FMN1: variants seen among roughly 807,000 people sequenced by gnomAD.
The protein encoded by FMN1 is formin 1, also known as formin-1.
A neutral mutation model predicts 132.4 loss-of-function variants in FMN1; 110 were observed. That is an observed-to-expected ratio of 0.83 (90% confidence interval 0.71 to 0.97). FMN1 has a LOEUF of 0.97. FMN1 is among the 50% of genes least tolerant of loss of function. The pLI is 0.00. For synonymous variants in FMN1, 722 were observed against 651.7 expected, an observed-to-expected ratio of 1.11 and a Z score of -1.64; for missense variants, 1,792 against 1,705.3, an observed-to-expected ratio of 1.05 and a Z score of -0.90.
At chr15:32,829,271 G>A (rs2058444871) in intron 17 of FMN1, among the ~76,000 whole-genome samples, 1 of 152,214 alleles carries the variant, frequency 6.6e-6, no homozygotes, top group African/African-American at 2.4e-5. Flanking sequence ...ATGAGACCAA[G>A]CTATTATTCC....
chr15:32,931,842 G>T (rs1596300673), intron 9 of FMN1, among the ~76,000 whole-genome samples: 1 of 152,026 alleles, frequency 6.6e-6, no homozygotes, highest in Non-Finnish European at 1.5e-5. Flanking sequence ...TTTAGCATAT[G>T]GTCTTTATTT....
At chr15:33,126,668 A>G (rs1002675013) in intron 4 of FMN1, among the ~76,000 whole-genome samples, 1 of 87,172 alleles carries the variant, frequency 1.1e-5, no homozygotes, top group Non-Finnish European at 2.7e-5. Flanking sequence ...CATGCCCAGA[A>G]TGGGACCAAC....
Position 33,088,830 on chromosome 15 carries a change from G to C in FMN1, c.2012C>G (p.Ser671Ter), listed in dbSNP as rs966979513. The C allele has an allele frequency of 4.6e-6, 7 of 1,535,726 alleles. No individual in the cohort carries two copies. The highest frequency in any genetic ancestry group is 1.4e-5 in the African/African-American group (1 of 73,002). The change falls in exon 5 of 21, where the codon TCA (serine) becomes TGA (stop). Residue 671 changes from serine (S) to a stop codon, truncating the protein, a stop_gained. Transcript: ENST00000616417. LOFTEE classifies it high-confidence loss of function. ...PFLLHEEREK[S>*]NRSELYLDLH... ...ATCCAAGTACAATTCGCTCCTGTTT[G>C]ACTTCTCCCTTTCCTCATGAAGCAA... is the stretch of plus-strand genomic sequence containing the variant.
intron 8 of FMN1, among the ~76,000 whole-genome samples, chr15:32,967,462 C>G (rs2031350262): frequency 6.6e-6 from 1 of 152,166 alleles, no homozygotes; most frequent in African/African-American, 2.4e-5. Flanking sequence ...GGAAACATGA[C>G]TCAAAATAAA....
At chr15:33,156,680 C>T (rs1164195239) in intron 3 of FMN1, among the ~76,000 whole-genome samples, 1 of 151,946 alleles carries the variant, frequency 6.6e-6, no homozygotes, top group Non-Finnish European at 1.5e-5. Context: ...GGTAAAAACT[C>T]GCTGCATGTG....
chr15:33,140,496 GA>G (rs1437757081), intron 4 of FMN1, among the ~76,000 whole-genome samples: 3 of 152,188 alleles, frequency 2.0e-5, no homozygotes, highest in Non-Finnish European at 4.4e-5. Context: ...GTTGATTCAC[GA>G]CTCAGGTATC....
At chr15:33,110,108 T>C (rs927102555) in intron 4 of FMN1, among the ~76,000 whole-genome samples, 2 of 152,100 alleles carry the variant, frequency 1.3e-5, no homozygotes, top group African/African-American at 4.8e-5. Context: ...ATAATTGTCA[T>C]ACTTTTGACA....
At chr15:33,012,831 C>T in intron 6 of FMN1, 1 of 634,402 alleles carries the variant, frequency 1.6e-6, no homozygotes, top group South Asian at 1.4e-5. Flanking sequence ...GATATGGTAG[C>T]AGTGGGGGTG....
chr15:32,979,975 CT>C (rs1286586413), intron 7 of FMN1, among the ~76,000 whole-genome samples: 1 of 152,176 alleles, frequency 6.6e-6, no homozygotes, highest in African/African-American at 2.4e-5. Context: ...CTCCTTGCCA[CT>C]TTGAGTTTTA....
chr15:32,991,193 G>A (rs343933), intron 7 of FMN1, among the ~76,000 whole-genome samples: 6 of 151,946 alleles, frequency 3.9e-5, no homozygotes, highest in African/African-American at 7.2e-5. Flanking sequence ...ATTTTCTCTC[G>A]GTTTCAGAAG....
intron 17 of FMN1, among the ~76,000 whole-genome samples, chr15:32,815,103 C>T (rs989034101): frequency 6.6e-6 from 1 of 152,022 alleles, no homozygotes; most frequent in Non-Finnish European, 1.5e-5. Context: ...CCACCACGCC[C>T]GGCTAATTTT....
rs1183661156 is a variant in FMN1, at chr15:32,771,677, T to TA, written c.*2632dup. ...GAGGGCTATGCCTAGAACAGCCACT[T>TA]AAAGCCTGCTGGCAGGATGTGCTTA... On this transcript the variant is annotated 3_prime_UTR_variant, in exon 21 of 21. Transcript: ENST00000616417. The TA allele has an allele frequency of 6.6e-6, 1 of 152,216 alleles. No homozygotes were observed. The highest frequency in any genetic ancestry group is 1.5e-5 in the Non-Finnish European group (1 of 68,042). 9.4% of individuals were successfully genotyped at this position (152,216 alleles called of 1,614,324 possible). A position where few individuals can be genotyped will look rare whatever the true frequency, so the allele number is the denominator to read the frequency against.
intron 6 of FMN1, among the ~76,000 whole-genome samples, chr15:33,040,172 C>G (rs2141113684): frequency 6.6e-6 from 1 of 152,334 alleles, no homozygotes; most frequent in Non-Finnish European, 1.5e-5. Context: ...CTTTGCTCTG[C>G]ATGTTTGCTC....
At chr15:32,819,386 T>C (rs539379470) in intron 17 of FMN1, among the ~76,000 whole-genome samples, 1 of 152,316 alleles carries the variant, frequency 6.6e-6, no homozygotes, top group Admixed American at 6.5e-5. Context: ...ATATGGGTCG[T>C]TCTCACCCAC....
intron 10 of FMN1, among the ~76,000 whole-genome samples, chr15:32,924,771 G>A (rs987421341): frequency 2.0e-5 from 3 of 152,176 alleles, no homozygotes; most frequent in African/African-American, 4.8e-5. Flanking sequence ...AAAATTAGCT[G>A]TATGTTATGG....
At chr15:32,957,562 A>C (rs1161455991) in intron 9 of FMN1, among the ~76,000 whole-genome samples, 1 of 152,046 alleles carries the variant, frequency 6.6e-6, no homozygotes, top group Non-Finnish European at 1.5e-5. Flanking sequence ...GAATATCAAC[A>C]AACAAGAATA....
intron 4 of FMN1, chr15:33,150,671 C>G (rs1322397104): frequency 1.0e-6 from 1 of 985,428 alleles, no homozygotes; most frequent in Admixed American, 6.1e-5. Context: ...ATTGAAGAGT[C>G]TTCCAACTGG....
intron 16 of FMN1, among the ~76,000 whole-genome samples, chr15:32,864,458 G>A (rs528216102): frequency 1.3e-5 from 2 of 152,298 alleles, no homozygotes; most frequent in African/African-American, 4.8e-5. Flanking sequence ...GTGCATTAAT[G>A]ACCCATATGT....
intron 4 of FMN1, chr15:33,151,040 G>C: frequency 8.4e-7 from 1 of 1,185,884 alleles, no homozygotes. Context: ...CCAGCTGCAG[G>C]GAGTCACTGA....
Sources: allele counts gnomAD v4.1 joint callset (sites outside exome capture counted in the v4.1 genomes callset), GRCh38; gene constraint gnomAD v4.1.1; transcripts MANE v1.5; gene names NCBI Gene and HGNC (gene_info 2026-07-23, HGNC 2026-07-21).